DOCK7: variants seen among roughly 807,000 people sequenced by gnomAD.
The protein encoded by DOCK7 is dedicator of cytokinesis 7.
Under a neutral mutation model 271.0 loss-of-function variants are expected in DOCK7, and 138 were observed. The observed-to-expected ratio is 0.51, with a 90% CI of 0.44 to 0.59. The LOEUF is 0.59. Among genes scored for constraint, DOCK7 ranks in the 20% least tolerant of loss-of-function variants. The pLI is 0.00. For synonymous variants in DOCK7, 823 were observed against 876.1 expected, an observed-to-expected ratio of 0.94 and a Z score of 1.07; for missense variants, 2,066 against 2,592.4, an observed-to-expected ratio of 0.80 and a Z score of 4.41.
intron 41 of DOCK7, among the ~76,000 whole-genome samples, chr1:62,490,669 T>C (rs1000611436): frequency 6.6e-6 from 1 of 152,186 alleles, no homozygotes; most frequent in Non-Finnish European, 1.5e-5. Context: ...TTTACAATTA[T>C]ATACAACTGC....
intron 5 of DOCK7, 25 bp from the exon 6 acceptor site, chr1:62,648,343 A>C: frequency 6.9e-7 from 1 of 1,450,294 alleles, no homozygotes; most frequent in Non-Finnish European, 9.1e-7. Flanking sequence ...ATTAAATATA[A>C]ATATATTAAT....
chr1:62,624,239 A>AG (rs575290141), intron 12 of DOCK7, among the ~76,000 whole-genome samples: 118 of 151,814 alleles, frequency 7.8e-4, no homozygotes, highest in African/African-American at 2.6e-3. Context: ...CAAAAGGGGG[A>AG]GGGGGGGAAC....
Position 62,559,271 on chromosome 1 carries a change from T to C in DOCK7, c.2200-51A>G, listed in dbSNP as rs761473344. ...CTAAGCACTTATAACTTTATAAATT[T>C]CCCACTTCTAAAGGACCACGGACCA... On this transcript the variant is annotated intron_variant, in intron 19 of 49. Coordinates refer to ENST00000635253, the MANE Select transcript of DOCK7 (RefSeq NM_001367561.1). 6 of 1,459,368 alleles carry C rather than the reference T, an allele frequency of 4.1e-6. No homozygotes were observed. The African/African-American group carries it at 7.1e-5, about 17-fold the overall frequency. The allele number at this position is 1,459,368 out of a possible 1,614,324, so 90.4% of individuals were successfully genotyped here. A position where few individuals can be genotyped will look rare whatever the true frequency, so the allele number is the denominator to read the frequency against.
chr1:62,573,943 T>G (rs1646864364), intron 18 of DOCK7, among the ~76,000 whole-genome samples: 1 of 152,106 alleles, frequency 6.6e-6, no homozygotes, highest in Admixed American at 6.5e-5. Context: ...TTACCATAAT[T>G]TTTAAAAATC....
At chr1:62,597,546 A>G (rs1649440292) in intron 14 of DOCK7, 3 of 1,611,826 alleles carry the variant, frequency 1.9e-6, no homozygotes, top group Non-Finnish European at 2.5e-6. Context: ...ACGTTGCTTG[A>G]AATTGAAAAT....
At chr1:62,552,574 A>T (rs190518485) in intron 22 of DOCK7, among the ~76,000 whole-genome samples, 158 bp downstream of exon 22, 1 of 152,296 alleles carries the variant, frequency 6.6e-6, no homozygotes, top group Non-Finnish European at 1.5e-5. Flanking sequence ...TTAACAGAAA[A>T]ATAAAACAGT....
At chr1:62,486,905 C>T (rs142306969) in intron 43 of DOCK7, 1 of 152,078 alleles carries the variant, frequency 6.6e-6, no homozygotes, top group African/African-American at 2.4e-5. Flanking sequence ...AATAGGATAT[C>T]CTGGTTTAAT....
intron 43 of DOCK7, chr1:62,485,187 C>T (rs10889332): frequency 0.36 from 356,133 of 984,404 alleles, 65,663 homozygotes; most frequent in African/African-American, 0.53. Flanking sequence ...CCTACTATTT[C>T]GAGGGAAAAG....
intron 31 of DOCK7, among the ~76,000 whole-genome samples, chr1:62,525,929 TAAAATAGCAACC>T (rs1644992982): frequency 6.6e-6 from 1 of 152,198 alleles, no homozygotes; most frequent in South Asian, 2.1e-4. Context: ...TAAGAAATCT[TAAAATAGCAACC>T]TTTTTTTTCT....
At chr1:62,547,656 C>T (rs1645755530) in intron 22 of DOCK7, among the ~76,000 whole-genome samples, 1 of 152,126 alleles carries the variant, frequency 6.6e-6, no homozygotes, top group African/African-American at 2.4e-5. Flanking sequence ...ATTCCACTGG[C>T]ATTTGATAAA....
intron 48 of DOCK7, among the ~76,000 whole-genome samples, chr1:62,473,513 T>C (rs551753481): frequency 1.3e-5 from 2 of 152,290 alleles, no homozygotes; most frequent in East Asian, 3.9e-4. Context: ...GGAATAAGTA[T>C]ATGCTATTAA....
chr1:62,634,685 A>C lies in DOCK7; in HGVS notation c.1035+88T>G, dbSNP rs531477824. The C allele has an allele frequency of 3.7e-6, 5 of 1,351,198 alleles. No homozygotes were observed. The African/African-American group carries it at 5.9e-5, about 16-fold the overall frequency. The allele number at this position is 1,351,198 out of a possible 1,614,324, so 83.7% of individuals were successfully genotyped here. On this transcript the variant is annotated intron_variant, in intron 9 of 49. Coordinates refer to ENST00000635253, the MANE Select transcript of DOCK7 (RefSeq NM_001367561.1). ...AAGATGAAAAAAATATGTAAAGGTC[A>C]AATCTTTGCCCTTGAAAAGTTTATA...
intron 25 of DOCK7, among the ~76,000 whole-genome samples, chr1:62,541,546 C>T (rs1645532126): frequency 1.3e-5 from 2 of 152,116 alleles, no homozygotes; most frequent in South Asian, 4.2e-4. Flanking sequence ...GATCCACTTC[C>T]AATTAATGAA....
chr1:62,638,539 T>A (rs1655563790), intron 7 of DOCK7, among the ~76,000 whole-genome samples: 1 of 149,342 alleles, frequency 6.7e-6, no homozygotes, highest in Admixed American at 6.7e-5. Flanking sequence ...GAATATATAT[T>A]TTCATGAATA....
At chr1:62,537,356 G>A (rs570863775) in intron 28 of DOCK7, among the ~76,000 whole-genome samples, 28 of 151,974 alleles carry the variant, frequency 1.8e-4, no homozygotes, top group Middle Eastern at 3.4e-3. Flanking sequence ...GGCCGAGGCC[G>A]GCAGATCAAG....
intron 20 of DOCK7, 132 bp from the exon 21 acceptor site, chr1:62,556,121 A>G: frequency 1.1e-6 from 1 of 887,056 alleles, no homozygotes; most frequent in Non-Finnish European, 1.7e-6. Context: ...AAAGATGATT[A>G]CTATTTGATA....
intron 49 of DOCK7, 43 bp from the exon 50 acceptor site, chr1:62,455,499 T>C (rs1265330619): frequency 1.9e-5 from 30 of 1,565,290 alleles, no homozygotes; most frequent in Non-Finnish European, 2.6e-5. Context: ...AAGAGAACAA[T>C]TTTTGCATAT....
intron 43 of DOCK7, among the ~76,000 whole-genome samples, chr1:62,480,734 C>T (rs908181403): frequency 6.6e-6 from 1 of 152,174 alleles, no homozygotes; most frequent in African/African-American, 2.4e-5. Context: ...ACAGGCCAGG[C>T]GCGGTGGCTC....
At chr1:62,587,450 A>C (rs1157220797) in intron 14 of DOCK7, among the ~76,000 whole-genome samples, 1 of 152,114 alleles carries the variant, frequency 6.6e-6, no homozygotes, top group African/African-American at 2.4e-5. Context: ...GAAGAGTGGT[A>C]GGGCAATATA....
Sources: allele counts gnomAD v4.1 joint callset (sites outside exome capture counted in the v4.1 genomes callset), GRCh38; gene constraint gnomAD v4.1.1; transcripts MANE v1.5; gene names NCBI Gene and HGNC (gene_info 2026-07-23, HGNC 2026-07-21).